GPC3: variants seen among roughly 807,000 people sequenced by gnomAD.
The protein encoded by GPC3 is glypican-3.
In GPC3, 3 loss-of-function variants were observed where a neutral mutation model predicts 34.4. The observed-to-expected ratio is 0.09, with a 90% CI of 0.04 to 0.23. The LOEUF (loss-of-function observed/expected upper bound fraction) is 0.23, where lower values mean the gene tolerates loss of function less well. GPC3 is among the 10% of genes least tolerant of loss of function. GPC3 has a pLI of 1.00. For synonymous variants in GPC3, 177 were observed against 174.0 expected, an observed-to-expected ratio of 1.02 and a Z score of -0.13; for missense variants, 351 against 445.6, an observed-to-expected ratio of 0.79 and a Z score of 1.91.
intron 6 of GPC3, among the ~76,000 whole-genome samples, chrX:133,619,324 G>T (rs2070203795): frequency 8.9e-6 from 1 of 112,175 alleles, no homozygotes; most frequent in African/African-American, 3.2e-5. Flanking sequence ...CAGCAATTCT[G>T]CTCCTAGGTA....
At chrX:133,809,060 A>G (rs1270931026) in intron 2 of GPC3, among the ~76,000 whole-genome samples, 1 of 112,215 alleles carries the variant, frequency 8.9e-6, no homozygotes, top group Non-Finnish European at 1.9e-5. Flanking sequence ...ACAATGGAGA[A>G]AAACTGTTAA....
chrX:133,951,273 T>G (rs2076392225), intron 2 of GPC3, among the ~76,000 whole-genome samples: 1 of 110,512 alleles, frequency 9.0e-6, no homozygotes, highest in African/African-American at 3.3e-5. Context: ...CTCACATTTT[T>G]GCAGATCTAG....
At chrX:133,551,095 T>C (rs2089367255) in intron 7 of GPC3, among the ~76,000 whole-genome samples, 1 of 110,678 alleles carries the variant, frequency 9.0e-6, no homozygotes, top group Non-Finnish European at 1.9e-5. Context: ...TTCCCATACC[T>C]TTGACCCCTG....
intron 1 of GPC3, among the ~76,000 whole-genome samples, chrX:133,956,503 A>T (rs1306399549): frequency 8.9e-6 from 1 of 112,192 alleles, no homozygotes; most frequent in Non-Finnish European, 1.9e-5. Flanking sequence ...AGACATGAAA[A>T]ATCCTATGTG....
chrX:133,898,719 T>C (rs1457052555), intron 2 of GPC3, among the ~76,000 whole-genome samples: 1 of 111,893 alleles, frequency 8.9e-6, no homozygotes, highest in African/African-American at 3.2e-5. Flanking sequence ...AAGGAGTTGA[T>C]GGTTCAATCT....
chrX:133,877,655 T>G (rs902003195), intron 2 of GPC3, among the ~76,000 whole-genome samples: 3 of 112,230 alleles, frequency 2.7e-5, no homozygotes, highest in African/African-American at 9.7e-5. Flanking sequence ...GCATGAGCTC[T>G]AATTGCAAAA....
chrX:133,776,284 C>T (rs995907049), intron 2 of GPC3, among the ~76,000 whole-genome samples: 5 of 111,174 alleles, frequency 4.5e-5, no homozygotes, highest in African/African-American at 1.6e-4. Flanking sequence ...TGACTGGCGC[C>T]CCCTCCTGGC....
At position 133,912,763 on chromosome X, in the gene GPC3, C is replaced by T. The variant is rs756149021; in HGVS notation, c.337+40287G>A. On this transcript the variant is annotated intron_variant, in intron 2 of 7. Coordinates refer to ENST00000370818, the MANE Select transcript of GPC3 (RefSeq NM_004484.4). ...TTTTATAACTTATTTGAACTGGCTG[C>T]CTTGTCTATAACATGGGCTTAAGAC... Among the ~76,000 whole-genome samples the T allele has an allele frequency of 9.0e-5, 10 of 111,601 alleles. No individual in the cohort carries two copies. The South Asian group carries it at 3.8e-3, about 42-fold the overall frequency.
chrX:133,761,060 T>C (rs1395415372), intron 2 of GPC3, among the ~76,000 whole-genome samples: 1 of 111,295 alleles, frequency 9.0e-6, no homozygotes, highest in Non-Finnish European at 1.9e-5. Context: ...ACTCCCTCTT[T>C]TTCCCCCTCG....
intron 2 of GPC3, among the ~76,000 whole-genome samples, chrX:133,786,498 T>A (rs1303526827): frequency 8.9e-6 from 1 of 112,454 alleles, no homozygotes. Flanking sequence ...CCCCGGAGAA[T>A]CTCCGACCTG....
intron 6 of GPC3, among the ~76,000 whole-genome samples, chrX:133,602,581 C>G (rs1289866001): frequency 9.0e-6 from 1 of 111,496 alleles, no homozygotes; most frequent in Non-Finnish European, 1.9e-5. Context: ...CAAAACTGGT[C>G]CCTGGTGCCA....
chrX:133,633,954 T>C (rs1302514283), intron 6 of GPC3, among the ~76,000 whole-genome samples: 1 of 112,175 alleles, frequency 8.9e-6, no homozygotes, highest in Non-Finnish European at 1.9e-5. Flanking sequence ...AAAAATCTCC[T>C]GGCATAGTCA....
At chrX:133,920,959 T>C (rs1360595418) in intron 2 of GPC3, among the ~76,000 whole-genome samples, 1 of 111,704 alleles carries the variant, frequency 9.0e-6, no homozygotes, top group Non-Finnish European at 1.9e-5. Flanking sequence ...TTCCCACTAA[T>C]GTCCTTTATC....
intron 7 of GPC3, among the ~76,000 whole-genome samples, chrX:133,540,677 C>T (rs1365224677): frequency 9.0e-6 from 1 of 111,114 alleles, no homozygotes; most frequent in African/African-American, 3.3e-5. Flanking sequence ...AACTAAATAA[C>T]ATCTGTACCC....
At chrX:133,799,194 C>T (rs887283891) in intron 2 of GPC3, among the ~76,000 whole-genome samples, 1 of 111,436 alleles carries the variant, frequency 9.0e-6, no homozygotes, top group African/African-American at 3.3e-5. Flanking sequence ...GTGTTTGAAA[C>T]CAGCCTGGGC....
At chrX:133,660,852 A>C (rs1216006956) in intron 6 of GPC3, among the ~76,000 whole-genome samples, 2 of 111,967 alleles carry the variant, frequency 1.8e-5, no homozygotes, top group Admixed American at 9.5e-5. Flanking sequence ...AATATTATGC[A>C]GCCATGACAA....
intron 2 of GPC3, chrX:133,763,628 C>T (rs2071819280): frequency 1.3e-6 from 1 of 794,715 alleles, no homozygotes; most frequent in Non-Finnish European, 1.9e-6. Flanking sequence ...GACTGGTCTG[C>T]CGCTTCCACT....
In GPC3 at chrX:133,912,823, T is replaced by C. The variant is rs147121727; in HGVS notation, c.337+40227A>G. Reference sequence around the variant, plus strand: ...TGAAGAGTGTTGTGAGGATTACAGATGATGTATATAAAGCACATATCACAA... The same window carrying C: ...TGAAGAGTGTTGTGAGGATTACAGACGATGTATATAAAGCACATATCACAA... On this transcript the variant is annotated intron_variant, in intron 2 of 7. Coordinates refer to ENST00000370818, the MANE Select transcript of GPC3 (RefSeq NM_004484.4). Among the ~76,000 whole-genome samples, 586 of 111,722 alleles carry C rather than the reference T, an allele frequency of 5.2e-3. 6 individuals carry two copies. Among genetic ancestry groups the C allele is most frequent in the African/African-American group, 0.018 (554 of 30,743 alleles).
At chrX:133,658,563 C>T (rs746533391) in intron 6 of GPC3, among the ~76,000 whole-genome samples, 1 of 111,226 alleles carries the variant, frequency 9.0e-6, no homozygotes, top group East Asian at 2.8e-4. Context: ...CAGATCGAAT[C>T]ATGGCCAAAA....
Sources: allele counts gnomAD v4.1 joint callset (sites outside exome capture counted in the v4.1 genomes callset), GRCh38; gene constraint gnomAD v4.1.1; transcripts MANE v1.5; gene names NCBI Gene and HGNC (gene_info 2026-07-23, HGNC 2026-07-21).